The following PRIM2 variants were observed in gnomAD, a reference collection of about 807,000 sequenced individuals.
PRIM2 encodes the protein DNA primase large subunit.
PRIM2 carries 39 observed loss-of-function variants against 67.3 expected under a neutral mutation model. The ratio of observed to expected loss-of-function variants is 0.58; its 90% CI spans 0.45 to 0.76. PRIM2 has a LOEUF of 0.76. PRIM2 is among the 30% of genes least tolerant of loss of function. The pLI, the probability that PRIM2 is intolerant of heterozygous loss-of-function variation, is 0.00. For missense variants in PRIM2, 398 were observed against 598.7 expected (o/e 0.66, Z 3.50); for synonymous variants, 143 against 198.7 (o/e 0.72, Z 2.36).
chr6:57,619,529 T>C (rs1166284998), intron 12 of PRIM2, among the ~76,000 whole-genome samples: 1 of 151,794 alleles, frequency 6.6e-6, no homozygotes, highest in Non-Finnish European at 1.5e-5. Flanking sequence ...ACACAGGAAG[T>C]GAAGAGAGAA....
At chr6:57,481,930 A>G (rs1306643186) in intron 7 of PRIM2, among the ~76,000 whole-genome samples, 1 of 152,148 alleles carries the variant, frequency 6.6e-6, no homozygotes, top group Non-Finnish European at 1.5e-5. Context: ...CCTGGCTTAC[A>G]TGAGGAGAGA....
At chr6:57,284,437 T>G in the PRIM2 span, among the ~76,000 whole-genome samples, 1 of 152,220 alleles carries the variant, frequency 6.6e-6, no homozygotes, top group African/African-American at 2.4e-5. Context: ...AGTTTTTATT[T>G]GTTTTTATTA....
At chr6:57,517,402 G>C (rs1774508546) in intron 8 of PRIM2, among the ~76,000 whole-genome samples, 1 of 152,106 alleles carries the variant, frequency 6.6e-6, no homozygotes, top group Non-Finnish European at 1.5e-5. Flanking sequence ...CTATGTAATA[G>C]AACTTTCTGT....
In PRIM2 at chr6:57,562,259, C is replaced by T. The variant is rs1410034511; in HGVS notation, c.1020+24634C>T. Among the ~76,000 whole-genome samples the T allele has an allele frequency of 3.9e-5, 6 of 152,058 alleles. No homozygotes were observed. In the South Asian group the frequency reaches 6.2e-4, roughly 16 times the overall value. Reference sequence around the variant, plus strand: ...ATTACCAAAATGTGACACACAGACACGAAGTGAGCATATCCTGTTGGAAAA... The same window carrying T: ...ATTACCAAAATGTGACACACAGACATGAAGTGAGCATATCCTGTTGGAAAA... On this transcript the variant is annotated intron_variant, in intron 10 of 13. Transcript: ENST00000615550.
At chr6:57,396,754 G>T (rs1408179361) in intron 7 of PRIM2, among the ~76,000 whole-genome samples, 1 of 151,980 alleles carries the variant, frequency 6.6e-6, no homozygotes, top group Non-Finnish European at 1.5e-5. Flanking sequence ...TTTTTGTTTT[G>T]TAGGTCTTGT....
the PRIM2 span, chr6:57,222,196 T>G: frequency 6.6e-6 from 1 of 152,262 alleles, no homozygotes; most frequent in Non-Finnish European, 1.5e-5. Flanking sequence ...TAAACGAACT[T>G]TATTAGTAGC....
At chr6:57,314,732 T>A (rs899831895), upstream of PRIM2, 3 of 152,240 alleles carry the variant, frequency 2.0e-5, no homozygotes, top group Non-Finnish European at 2.9e-5. Context: ...TACAAGAATC[T>A]TGGTTGCCAG....
chr6:57,511,997 G>A (rs1774381565), intron 8 of PRIM2, among the ~76,000 whole-genome samples: 1 of 152,164 alleles, frequency 6.6e-6, no homozygotes, highest in Non-Finnish European at 1.5e-5. Context: ...ACAAGAAAAG[G>A]GTGAAGGGTA....
chr6:57,457,850 C>T (rs79595887), intron 7 of PRIM2, among the ~76,000 whole-genome samples: 5,061 of 152,174 alleles, frequency 0.033, 282 homozygotes, highest in African/African-American at 0.11. Flanking sequence ...CGGTTGGAAA[C>T]GCAGAAATCA....
At chr6:57,234,085 T>C in the PRIM2 span, among the ~76,000 whole-genome samples, 4 of 152,180 alleles carry the variant, frequency 2.6e-5, no homozygotes, top group Non-Finnish European at 5.9e-5. Flanking sequence ...ATTTGAAGGA[T>C]AGACTAAATT....
intron 12 of PRIM2, among the ~76,000 whole-genome samples, chr6:57,630,268 A>G (rs1188661644): frequency 4.6e-5 from 7 of 152,174 alleles, no homozygotes; most frequent in African/African-American, 7.2e-5. Context: ...CAGATTTTAA[A>G]TAAAAATTCA....
intron 8 of PRIM2, among the ~76,000 whole-genome samples, chr6:57,521,564 G>T (rs1774624789): frequency 6.6e-6 from 1 of 151,876 alleles, no homozygotes; most frequent in African/African-American, 2.4e-5. Context: ...AATGATGTAG[G>T]AGATTACAGT....
At chr6:57,628,505 T>C (rs1391336136) in intron 12 of PRIM2, among the ~76,000 whole-genome samples, 2 of 152,156 alleles carry the variant, frequency 1.3e-5, no homozygotes, top group Non-Finnish European at 2.9e-5. Flanking sequence ...AAATTTTTAT[T>C]TTAGATTCAG....
Position 57,599,009 on chromosome 6 carries a change from C to T in PRIM2, c.1021-2084C>T, listed in dbSNP as rs1232302905. Reference sequence around the variant, plus strand: ...TCGCCCAGGCTGGAGTGCAGTGGCGCGATCTCGGCTCACTGCAAGCTCCGC... The same window carrying T: ...TCGCCCAGGCTGGAGTGCAGTGGCGTGATCTCGGCTCACTGCAAGCTCCGC... On this transcript the variant is annotated intron_variant, in intron 10 of 13. Coordinates refer to ENST00000615550, the MANE Select transcript of PRIM2 (RefSeq NM_000947.5). Among the ~76,000 whole-genome samples the T allele has an allele frequency of 1.7e-3, 89 of 51,134 alleles. 39 individuals carry two copies. Among genetic ancestry groups the T allele is most frequent in the African/African-American group, 0.013 (87 of 6,812 alleles). 33.5% of individuals were successfully genotyped at this position (51,134 alleles called of 152,430 possible). A position where few individuals can be genotyped will look rare whatever the true frequency, so the allele number is the denominator to read the frequency against.
the PRIM2 span, among the ~76,000 whole-genome samples, chr6:57,238,110 C>G: frequency 6.8e-6 from 1 of 147,134 alleles, no homozygotes; most frequent in African/African-American, 2.5e-5. Flanking sequence ...ACACAATAAT[C>G]ATGGGAGACT....
intron 7 of PRIM2, among the ~76,000 whole-genome samples, chr6:57,493,333 T>C (rs1251249409): frequency 3.3e-5 from 5 of 152,230 alleles, no homozygotes; most frequent in African/African-American, 7.2e-5. Context: ...TAACCAAAAA[T>C]ATTTAGTGTA....
At chr6:57,563,203 A>G (rs1775672348) in intron 10 of PRIM2, among the ~76,000 whole-genome samples, 1 of 152,012 alleles carries the variant, frequency 6.6e-6, no homozygotes, top group Non-Finnish European at 1.5e-5. Context: ...TTTGATGGAC[A>G]GTTGCCCTAC....
intron 5 of PRIM2, among the ~76,000 whole-genome samples, chr6:57,341,539 G>A (rs1768490883): frequency 6.6e-6 from 1 of 152,144 alleles, no homozygotes; most frequent in African/African-American, 2.4e-5. Context: ...TTCAGGTGCT[G>A]TTGATTAGCT....
intron 5 of PRIM2, among the ~76,000 whole-genome samples, chr6:57,348,912 A>G (rs1768768139): frequency 6.6e-6 from 1 of 151,904 alleles, no homozygotes; most frequent in Non-Finnish European, 1.5e-5. Flanking sequence ...CCGACCAGCT[A>G]ATTTTTGTAT....
Sources: allele counts gnomAD v4.1 joint callset (sites outside exome capture counted in the v4.1 genomes callset), GRCh38; gene constraint gnomAD v4.1.1; transcripts MANE v1.5; gene names NCBI Gene and HGNC (gene_info 2026-07-23, HGNC 2026-07-21).